The following ASAP3 variants were observed in gnomAD, a reference collection of about 807,000 sequenced individuals.
ASAP3 encodes arf-GAP with SH3 domain, ANK repeat and PH domain-containing protein 3.
ASAP3 carries 85 observed loss-of-function variants against 118.2 expected under a neutral mutation model. The observed-to-expected ratio is 0.72, with a 90% CI of 0.60 to 0.86. The LOEUF is 0.86. Ranked by LOEUF, ASAP3 falls within the 40% of genes least tolerant of loss-of-function variation. ASAP3 has a pLI of 0.00. For synonymous variants in ASAP3, 432 were observed against 477.4 expected, an observed-to-expected ratio of 0.90 and a Z score of 1.24; for missense variants, 1,026 against 1,175.0, an observed-to-expected ratio of 0.87 and a Z score of 1.85.
intron 10 of ASAP3, 115 bp downstream of exon 10, chr1:23,440,987 C>T (rs977346903): frequency 1.9e-5 from 18 of 952,850 alleles, no homozygotes; most frequent in Admixed American, 4.6e-5. Flanking sequence ...TTTTACATTG[C>T]AACCCTCGGT....
intron 1 of ASAP3, among the ~76,000 whole-genome samples, chr1:23,462,245 C>T (rs1641616736): frequency 6.6e-6 from 1 of 150,920 alleles, no homozygotes; most frequent in African/African-American, 2.4e-5. Context: ...AGGATGGTCT[C>T]GATCTCCTGA....
At chr1:23,441,827 C>T in intron 7 of ASAP3, 97 bp from the exon 8 acceptor site, 3 of 1,297,396 alleles carry the variant, frequency 2.3e-6, no homozygotes, top group Admixed American at 3.8e-5. Context: ...GATCACAGGG[C>T]ACCTCAGGGA....
At chr1:23,433,404 A>T (rs1245348555) in intron 21 of ASAP3, 21 bp downstream of exon 21, 1 of 1,614,086 alleles carries the variant, frequency 6.2e-7, no homozygotes, top group Non-Finnish European at 8.5e-7. Flanking sequence ...CAGAGGCCTG[A>T]GGGACAGGGC....
At chr1:23,483,296 G>A (rs1176757448) in intron 1 of ASAP3, among the ~76,000 whole-genome samples, 2 of 152,220 alleles carry the variant, frequency 1.3e-5, no homozygotes, top group African/African-American at 4.8e-5. Context: ...GTCTGTCCTA[G>A]AATATTCTTT....
chr1:23,458,459 T>A (rs1057300504), intron 1 of ASAP3, among the ~76,000 whole-genome samples: 1 of 151,812 alleles, frequency 6.6e-6, no homozygotes, highest in Admixed American at 6.6e-5. Context: ...CCCATCTCCA[T>A]GTGGTGGCAT....
chr1:23,444,623 G>A (rs1640989642), intron 5 of ASAP3, among the ~76,000 whole-genome samples: 1 of 152,204 alleles, frequency 6.6e-6, no homozygotes, highest in South Asian at 2.1e-4. Context: ...AGCTTTTACT[G>A]TAGGCCCCTC....
intron 2 of ASAP3, 36 bp from the exon 3 acceptor site, chr1:23,456,062 C>CA (rs747109773): frequency 6.2e-7 from 1 of 1,614,034 alleles, no homozygotes; most frequent in Non-Finnish European, 8.5e-7. Context: ...GAGTTAGCTC[C>CA]AGGCTGGGGC....
In ASAP3 at chr1:23,442,611, C is replaced by T; in HGVS notation, c.475G>A (p.Ala159Thr). Residue 159 changes from alanine to threonine, a missense_variant and splice_region_variant, in exon 6 of 25, where the codon GCC becomes ACC. Ala to Thr is a moderately conservative substitution (Grantham distance 58). Coordinates refer to ENST00000336689, the MANE Select transcript of ASAP3 (RefSeq NM_017707.4). ...KAWKDYEAKM[A>T]KLEKERDRAR... ...CGATCGCGCTCCTTCTCCAGCTTGG[C>T]CCTAGACCCCAAGGAAAGAGAAGCC... 1 of 1,613,644 alleles carries T rather than the reference C, an allele frequency of 6.2e-7. No individual in the cohort carries two copies. The highest frequency in any genetic ancestry group is 1.3e-5 in the African/African-American group (1 of 75,034).
intron 1 of ASAP3, among the ~76,000 whole-genome samples, chr1:23,464,756 G>A (rs988095969): frequency 1.3e-5 from 2 of 150,362 alleles, no homozygotes; most frequent in Non-Finnish European, 3.0e-5. Flanking sequence ...TCAAGGTGGG[G>A]GCCCTCAACC....
chr1:23,452,617 G>A (rs191258231), intron 4 of ASAP3, 80 bp downstream of exon 4: 5 of 1,481,822 alleles, frequency 3.4e-6, no homozygotes, highest in Non-Finnish European at 4.7e-6. Flanking sequence ...TCCACCCTCA[G>A]TCCAGCCCTG....
intron 1 of ASAP3, among the ~76,000 whole-genome samples, chr1:23,465,515 T>TG (rs369348946): frequency 5.3e-5 from 8 of 150,686 alleles, no homozygotes; most frequent in African/African-American, 1.7e-4. Context: ...TCTTTTTTTT[T>TG]GGGGGGGGGA....
At chr1:23,478,420 G>A (rs953030282) in intron 1 of ASAP3, among the ~76,000 whole-genome samples, 3 of 151,926 alleles carry the variant, frequency 2.0e-5, no homozygotes, top group Admixed American at 6.6e-5. Flanking sequence ...AGCCCAGATC[G>A]TGCCGTTGCA....
chr1:23,450,204 T>C (rs59174309), intron 5 of ASAP3, among the ~76,000 whole-genome samples: 1 of 152,292 alleles, frequency 6.6e-6, no homozygotes, highest in East Asian at 1.9e-4. Context: ...GAGGGAACAA[T>C]AAAAAGCTCC....
rs1558115238 is a variant in ASAP3, at chr1:23,436,537, C to G, written c.1571+23G>C. ...GGCAGAATCCCCTAGGCAGGGTGCC[C>G]CTCTCTCTGAGAATCCCCTTACATG... On this transcript the variant is annotated intron_variant, in intron 16 of 24. Transcript: ENST00000336689. This position sits in a 1 kb window ranked among gnomAD's most constrained non-coding sequence, Gnocchi z 4.2. 1 of 1,612,776 alleles carries G rather than the reference C, an allele frequency of 6.2e-7. No homozygotes were observed. The highest frequency in any genetic ancestry group is 8.5e-7 in the Non-Finnish European group (1 of 1,178,754).
chr1:23,467,332 A>C (rs2148653301), intron 1 of ASAP3, among the ~76,000 whole-genome samples: 1 of 150,852 alleles, frequency 6.6e-6, no homozygotes, highest in East Asian at 2.0e-4. Context: ...CCTCCCAAGT[A>C]GCTGGGACTA....
intron 5 of ASAP3, among the ~76,000 whole-genome samples, chr1:23,445,802 G>A (rs1013805913): frequency 1.3e-5 from 2 of 151,734 alleles, no homozygotes; most frequent in Non-Finnish European, 2.9e-5. Flanking sequence ...GCAAGACCCC[G>A]TTTCTACTTT....
intron 1 of ASAP3, among the ~76,000 whole-genome samples, chr1:23,467,838 G>A (rs895095539): frequency 2.6e-5 from 4 of 151,228 alleles, no homozygotes; most frequent in Non-Finnish European, 5.9e-5. Flanking sequence ...CTGTAGTCCC[G>A]GCTACTCAGG....
Position 23,436,770 on chromosome 1 carries a change from C to T in ASAP3, c.1477-116G>A. Reference sequence around the variant, plus strand: ...CCTCGGCCGCCCTCCCGGTTCAGGCCCCGCCCCTGACCACCCGCTACCTGG... The same window carrying T: ...CCTCGGCCGCCCTCCCGGTTCAGGCTCCGCCCCTGACCACCCGCTACCTGG... On this transcript the variant is annotated intron_variant, in intron 15 of 24. Coordinates refer to ENST00000336689, the MANE Select transcript of ASAP3 (RefSeq NM_017707.4). The surrounding 1 kb of genome is among the most constrained non-coding windows in gnomAD (Gnocchi z 4.2). The T allele has an allele frequency of 1.3e-6, 2 of 1,544,442 alleles. No individual in the cohort carries two copies. Among genetic ancestry groups the T allele is most frequent in the Non-Finnish European group, 1.8e-6 (2 of 1,139,350 alleles).
chr1:23,466,838 G>T (rs1439534780), intron 1 of ASAP3, among the ~76,000 whole-genome samples: 60 of 152,160 alleles, frequency 3.9e-4, no homozygotes, highest in Non-Finnish European at 1.5e-5. Flanking sequence ...TATCACTTCT[G>T]TGTCATCCCA....
Sources: gnomAD v4.1 joint callset for allele counts (sites outside exome capture counted in the v4.1 genomes callset) on GRCh38, gnomAD v4.1.1 for gene constraint, Gnocchi (gnomAD v3.1) non-coding constraint, MANE v1.5 for transcripts, NCBI Gene and HGNC (gene_info 2026-07-23, HGNC 2026-07-21) for gene names.